The following PPP1CC variants were observed in gnomAD, a reference collection of about 807,000 sequenced individuals.
The protein encoded by PPP1CC is protein phosphatase 1 catalytic subunit gamma, also known as serine/threonine-protein phosphatase PP1-gamma catalytic subunit.
In PPP1CC, 16 loss-of-function variants were observed where a neutral mutation model predicts 38.4. The ratio of observed to expected loss-of-function variants is 0.42; its 90% CI spans 0.28 to 0.63. The LOEUF (loss-of-function observed/expected upper bound fraction) is 0.63. PPP1CC is among the 30% of genes least tolerant of loss of function. PPP1CC has a pLI of 0.25. For synonymous variants in PPP1CC, 158 were observed against 136.0 expected, an observed-to-expected ratio of 1.16 and a Z score of -1.13; for missense variants, 170 against 391.3, an observed-to-expected ratio of 0.43 and a Z score of 4.77.
chr12:110,709,042 A>G, the PPP1CC span, among the ~76,000 whole-genome samples: 6 of 152,060 alleles, frequency 3.9e-5, no homozygotes, highest in African/African-American at 1.4e-4. Flanking sequence ...ACTCTGTCAA[A>G]AAATCACAAC....
chr12:110,737,971 T>C (rs2069967408), intron 1 of PPP1CC, among the ~76,000 whole-genome samples: 3 of 152,016 alleles, frequency 2.0e-5, no homozygotes, highest in Non-Finnish European at 4.4e-5. Context: ...AGGATGTGGC[T>C]GCAAAACACT....
intron 3 of PPP1CC, among the ~76,000 whole-genome samples, chr12:110,728,579 C>T (rs189536526): frequency 6.6e-6 from 1 of 152,262 alleles, no homozygotes; most frequent in Non-Finnish European, 1.5e-5. Flanking sequence ...GATCCCACCT[C>T]TGCACTCCAG....
the PPP1CC span, among the ~76,000 whole-genome samples, chr12:110,714,510 T>C: frequency 1.3e-5 from 2 of 152,092 alleles, no homozygotes; most frequent in Admixed American, 1.3e-4. Flanking sequence ...AGAAGATATG[T>C]GGTGTTTGTA....
intron 3 of PPP1CC, among the ~76,000 whole-genome samples, chr12:110,727,577 C>T (rs1431969154): frequency 6.8e-6 from 1 of 147,738 alleles, no homozygotes; most frequent in African/African-American, 2.5e-5. Flanking sequence ...TACCCAACAA[C>T]ATATACCTCA....
intron 3 of PPP1CC, chr12:110,726,674 A>G (rs1207739414): frequency 6.6e-6 from 1 of 152,248 alleles, no homozygotes; most frequent in Admixed American, 6.5e-5. Flanking sequence ...AAGATGCTCC[A>G]AAATTTGGAA....
chr12:110,721,454 CA>C (rs2069738066), intron 6 of PPP1CC: 1 of 234,238 alleles, frequency 4.3e-6, no homozygotes, highest in Non-Finnish European at 8.3e-6. Context: ...CCTTCTGATA[CA>C]GGGGAAAAAG....
intron 1 of PPP1CC, among the ~76,000 whole-genome samples, chr12:110,734,415 CTCACTGCAACCTCCGTCTCCCGGGT>C (rs2069917597): frequency 6.6e-6 from 1 of 152,232 alleles, no homozygotes; most frequent in Admixed American, 6.5e-5. Flanking sequence ...ACGATCTCGG[CTCACTGCAACCTCCGTCTCCCGGGT>C]TCAAGCAATT....
intron 6 of PPP1CC, 39 bp from the exon 7 acceptor site, chr12:110,721,204 C>A: frequency 6.5e-7 from 1 of 1,544,716 alleles, no homozygotes; most frequent in South Asian, 1.1e-5. Flanking sequence ...GAAATATACT[C>A]AACCCCAAAT....
At chr12:110,739,782 C>A (rs982596877) in intron 1 of PPP1CC, among the ~76,000 whole-genome samples, 5 of 152,330 alleles carry the variant, frequency 3.3e-5, no homozygotes, top group Admixed American at 3.3e-4. Flanking sequence ...ACCATGGCTC[C>A]TTGAAGGAGG....
chr12:110,735,334 T>A (rs2069930820), intron 1 of PPP1CC, among the ~76,000 whole-genome samples: 1 of 152,200 alleles, frequency 6.6e-6, no homozygotes, highest in South Asian at 2.1e-4. Flanking sequence ...CATTCAATCC[T>A]GTCAACGATC....
intron 1 of PPP1CC, chr12:110,732,643 C>T (rs985400572): frequency 6.6e-6 from 1 of 152,154 alleles, no homozygotes; most frequent in Non-Finnish European, 1.5e-5. Context: ...CTATATAGGG[C>T]AAAGGATGTC....
intron 3 of PPP1CC, among the ~76,000 whole-genome samples, chr12:110,728,397 C>CAAAAAAAAAAAAAAAAAAAAAA (rs1234259790): frequency 1.3e-5 from 1 of 78,600 alleles, no homozygotes; most frequent in Non-Finnish European, 2.8e-5. Flanking sequence ...GACTCCGTCT[C>CAAAAAAAAAAAAAAAAAAAAAA]AAAAAAAAAA....
chr12:110,730,615 T>C lies in PPP1CC; in HGVS notation c.332A>G (p.Lys111Arg). The C allele has an allele frequency of 6.2e-7, 1 of 1,614,206 alleles. No individual in the cohort carries two copies. The highest frequency in any genetic ancestry group is 8.5e-7 in the Non-Finnish European group (1 of 1,180,042). ...LETICLLLAY[K>R]IKYPENFFLL... Reference sequence around the variant, plus strand: ...AAAAAAATTCTCAGGATATTTTATTTTGTAGGCCAGTAAGAGGCAGATCGT... The same window carrying C: ...AAAAAAATTCTCAGGATATTTTATTCTGTAGGCCAGTAAGAGGCAGATCGT... Residue 111 changes from lysine to arginine, a missense_variant, in exon 3 of 7, where the codon AAA becomes AGA. Transcript: ENST00000335007.
intron 1 of PPP1CC, among the ~76,000 whole-genome samples, chr12:110,736,588 G>A (rs766268626): frequency 6.6e-6 from 1 of 152,182 alleles, no homozygotes; most frequent in Non-Finnish European, 1.5e-5. Context: ...ATGCTGCATT[G>A]AGCCGAGATC....
chr12:110,714,805 CA>C (rs1164975036), downstream of PPP1CC, among the ~76,000 whole-genome samples: 336 of 22,048 alleles, frequency 0.015, no homozygotes, highest in Middle Eastern at 0.088. Flanking sequence ...GACTCTGTCT[CA>C]AAAAAAAAAA....
At chr12:110,718,241 G>A (rs2069702690), downstream of PPP1CC, among the ~76,000 whole-genome samples, 2 of 152,166 alleles carry the variant, frequency 1.3e-5, no homozygotes, top group Non-Finnish European at 2.9e-5. Flanking sequence ...CCTAGTTTGT[G>A]TACCAAATCA....
At chr12:110,709,930 CAAA>C in the PPP1CC span, among the ~76,000 whole-genome samples, 2 of 104,498 alleles carry the variant, frequency 1.9e-5, no homozygotes, top group Non-Finnish European at 3.7e-5. Flanking sequence ...CAAAAAACTC[CAAA>C]ATAATAATAA....
rs1030750320 is a variant in PPP1CC at position 110,722,308 on chromosome 12, T to C, written c.748-39A>G. 9 of 1,603,226 alleles carry C rather than the reference T, an allele frequency of 5.6e-6. No homozygotes were observed. In the Middle Eastern group the frequency reaches 5.0e-4, roughly 89 times the overall value. On this transcript the variant is annotated intron_variant, in intron 5 of 6. Transcript: ENST00000335007. The surrounding 1 kb of genome is among the most constrained non-coding windows in gnomAD (Gnocchi z 5.4). Reference sequence around the variant, plus strand: ...TTTTTTCAATATAAATAGGTGCAAATATTAGGTGAGTAAAACCATGTTTCA... The same window carrying C: ...TTTTTTCAATATAAATAGGTGCAAACATTAGGTGAGTAAAACCATGTTTCA...
chr12:110,709,298 C>T, the PPP1CC span, among the ~76,000 whole-genome samples: 2 of 151,800 alleles, frequency 1.3e-5, no homozygotes, highest in Non-Finnish European at 2.9e-5. Flanking sequence ...ATCGCGATCC[C>T]GGCTGACTAC....
Sources: allele counts gnomAD v4.1 joint callset (sites outside exome capture counted in the v4.1 genomes callset), GRCh38; gene constraint gnomAD v4.1.1; non-coding constraint Gnocchi (gnomAD v3.1); transcripts MANE v1.5; gene names NCBI Gene and HGNC (gene_info 2026-07-23, HGNC 2026-07-21).